The following RAB6B variants were observed in gnomAD, a reference collection of about 807,000 sequenced individuals.
The protein encoded by RAB6B is ras-related protein Rab-6B.
A neutral mutation model predicts 31.2 loss-of-function variants in RAB6B; 7 were observed. That is an observed-to-expected ratio of 0.22 (90% confidence interval 0.13 to 0.42). The LOEUF is 0.42. RAB6B is among the 10% of genes least tolerant of loss of function. The probability of loss-of-function intolerance (pLI) is 1.00; values close to 1 mark genes in which losing one functional copy is unlikely to be tolerated. For synonymous variants in RAB6B, 105 were observed against 104.9 expected (o/e 1.00, Z -0.01); for missense variants, 149 against 280.6 (o/e 0.53, Z 3.35).
intron 2 of RAB6B, among the ~76,000 whole-genome samples, 198 bp from the exon 3 acceptor site, chr3:133,841,861 T>C (rs1222165364): frequency 6.6e-6 from 1 of 152,166 alleles, no homozygotes; most frequent in Non-Finnish European, 1.5e-5. Flanking sequence ...TGAGGAAAGA[T>C]GAGGGTGGCC....
chr3:133,849,348 G>A (rs1282232190), intron 2 of RAB6B, among the ~76,000 whole-genome samples: 1 of 152,150 alleles, frequency 6.6e-6, no homozygotes, highest in African/African-American at 2.4e-5. Context: ...GTTGATTCCT[G>A]AGCTCCACTC....
chr3:133,862,702 G>A (rs1412905688), intron 2 of RAB6B, among the ~76,000 whole-genome samples: 1 of 152,114 alleles, frequency 6.6e-6, no homozygotes, highest in Non-Finnish European at 1.5e-5. Context: ...GGGAGACGAC[G>A]CTGAACATGG....
intron 1 of RAB6B, among the ~76,000 whole-genome samples, chr3:133,870,942 T>G (rs1213202839): frequency 6.6e-6 from 1 of 152,210 alleles, no homozygotes; most frequent in Non-Finnish European, 1.5e-5. Context: ...ATGCTGGCCC[T>G]TCACAATCAG....
chr3:133,871,374 G>A (rs539220294), intron 1 of RAB6B, among the ~76,000 whole-genome samples: 8 of 152,234 alleles, frequency 5.3e-5, no homozygotes, highest in Non-Finnish European at 5.9e-5. Flanking sequence ...TTGATTGATG[G>A]AGATGAGGGG....
chr3:133,838,375 G>A, intron 5 of RAB6B, 116 bp from the exon 6 acceptor site: 1 of 901,128 alleles, frequency 1.1e-6, no homozygotes, highest in Non-Finnish European at 1.8e-6. Context: ...GGTCAGTCCT[G>A]AAGACAGGCT....
intron 1 of RAB6B, among the ~76,000 whole-genome samples, chr3:133,871,611 C>T (rs946858593): frequency 1.3e-5 from 2 of 152,250 alleles, no homozygotes; most frequent in Non-Finnish European, 2.9e-5. Context: ...GACTCCTCCA[C>T]TGACACTGCC....
intron 1 of RAB6B, among the ~76,000 whole-genome samples, chr3:133,868,018 G>C (rs1936261379): frequency 6.6e-6 from 1 of 152,110 alleles, no homozygotes; most frequent in Admixed American, 6.5e-5. Flanking sequence ...TGTCCTCCAT[G>C]CTTTGTCTCT....
chr3:133,829,022 C>T (rs1935617533), intron 7 of RAB6B, among the ~76,000 whole-genome samples, 170 bp from the exon 8 acceptor site: 1 of 152,164 alleles, frequency 6.6e-6, no homozygotes, highest in Admixed American at 6.5e-5. Context: ...CACCTTGCCT[C>T]CTCTTCCCTT....
intron 1 of RAB6B, among the ~76,000 whole-genome samples, chr3:133,881,832 AGGCCATC>A (rs1264388135): frequency 6.6e-6 from 1 of 152,226 alleles, no homozygotes; most frequent in Admixed American, 6.5e-5. Context: ...GTGTAAAATG[AGGCCATC>A]TCAGGTGTCA....
At chr3:133,841,516 G>A in intron 3 of RAB6B, 94 bp downstream of exon 3, 2 of 1,538,642 alleles carry the variant, frequency 1.3e-6, no homozygotes, top group Non-Finnish European at 8.9e-7. Flanking sequence ...CCTAGTGTCG[G>A]CAGGTGCTCT....
Position 133,828,131 on chromosome 3 carries a change from G to T in RAB6B, c.*657C>A, listed in dbSNP as rs1413969954. 1 of 620,748 alleles carries T rather than the reference G, an allele frequency of 1.6e-6. No homozygotes were observed. Among genetic ancestry groups the T allele is most frequent in the Admixed American group, 2.5e-5 (1 of 40,680 alleles). 38.5% of individuals were successfully genotyped at this position (620,748 alleles called of 1,614,324 possible). A position where few individuals can be genotyped will look rare whatever the true frequency, so the allele number is the denominator to read the frequency against. ...TTCCTCTGGGGGCTGCTGCCGGGCT[G>T]CCTAGAGCCCACAGACCTTGGTCTC... is the stretch of plus-strand genomic sequence containing the variant. On this transcript the variant is annotated 3_prime_UTR_variant, in exon 8 of 8. Coordinates refer to ENST00000285208, the MANE Select transcript of RAB6B (RefSeq NM_016577.4).
chr3:133,890,052 C>T (rs879878966), intron 1 of RAB6B, among the ~76,000 whole-genome samples: 1 of 152,146 alleles, frequency 6.6e-6, no homozygotes, highest in Non-Finnish European at 1.5e-5. Context: ...CACAAAGGTG[C>T]CCCTTCTTAT....
intron 6 of RAB6B, among the ~76,000 whole-genome samples, chr3:133,835,480 G>A (rs936073226): frequency 5.1e-5 from 7 of 137,334 alleles, no homozygotes; most frequent in Non-Finnish European, 8.2e-5. Flanking sequence ...TTCTGTGTGT[G>A]TGTGTGTGTG....
chr3:133,852,478 T>TC (rs1936001224), intron 2 of RAB6B, among the ~76,000 whole-genome samples: 1 of 150,478 alleles, frequency 6.6e-6, no homozygotes, highest in African/African-American at 2.4e-5. Context: ...TCTTTTTCTT[T>TC]TTTTTTTTTT....
At chr3:133,852,235 C>T (rs1935997234) in intron 2 of RAB6B, among the ~76,000 whole-genome samples, 1 of 152,200 alleles carries the variant, frequency 6.6e-6, no homozygotes, top group Admixed American at 6.5e-5. Flanking sequence ...CAAATCAGAT[C>T]CTCAGAGACC....
chr3:133,824,780 A>AAAAG lies in RAB6B; in HGVS notation c.*4004_*4007dup, dbSNP rs1398037535. ...TGGGAAGAACCTAGTGTCCTAACCA[A>AAAAG]AAAGAGTAGAGATGGTCTGAGGAAC... On this transcript the variant is annotated 3_prime_UTR_variant, in exon 8 of 8. Coordinates refer to ENST00000285208, the MANE Select transcript of RAB6B (RefSeq NM_016577.4). 6.6e-6 allele frequency: 1 copy of AAAAG among 152,138 alleles called. No individual in the cohort carries two copies. Among genetic ancestry groups the AAAAG allele is most frequent in the East Asian group, 1.9e-4 (1 of 5,182 alleles). 9.4% of individuals were successfully genotyped at this position (152,138 alleles called of 1,614,324 possible).
At chr3:133,842,251 T>C (rs1105877) in intron 2 of RAB6B, among the ~76,000 whole-genome samples, 33,250 of 152,166 alleles carry the variant, frequency 0.22, 4,284 homozygotes, top group Middle Eastern at 0.38. Flanking sequence ...AGCCAAAACA[T>C]TGGAAGCTGT....
At chr3:133,854,193 C>A (rs1254083206) in intron 2 of RAB6B, among the ~76,000 whole-genome samples, 1 of 152,250 alleles carries the variant, frequency 6.6e-6, no homozygotes, top group Non-Finnish European at 1.5e-5. Flanking sequence ...ATCTCAATAA[C>A]CGAGTATTCC....
At chr3:133,893,802 G>C (rs1559916807) in intron 1 of RAB6B, among the ~76,000 whole-genome samples, 1 of 152,184 alleles carries the variant, frequency 6.6e-6, no homozygotes, top group Non-Finnish European at 1.5e-5. Context: ...CAGGGCTCCA[G>C]GCCGGGTGAG....
Sources: allele counts gnomAD v4.1 joint callset (sites outside exome capture counted in the v4.1 genomes callset), GRCh38; gene constraint gnomAD v4.1.1; transcripts MANE v1.5; gene names NCBI Gene and HGNC (gene_info 2026-07-23, HGNC 2026-07-21).